Variants in NEO1 observed in about 807,000 individuals in gnomAD.
The protein encoded by NEO1 is neogenin 1, also known as neogenin.
In NEO1, 63 loss-of-function variants were observed where a neutral mutation model predicts 159.7. That is an observed-to-expected ratio of 0.39 (90% confidence interval 0.32 to 0.49). NEO1 has a LOEUF of 0.49. NEO1 is among the 20% of genes least tolerant of loss of function. The pLI is 0.85. For missense variants in NEO1, 1,615 were observed against 1,831.0 expected (o/e 0.88, Z 2.15); for synonymous variants, 633 against 662.0 (o/e 0.96, Z 0.67).
chr15:73,245,669 G>A (rs551460801), intron 9 of NEO1, among the ~76,000 whole-genome samples: 1 of 151,874 alleles, frequency 6.6e-6, no homozygotes, highest in East Asian at 1.9e-4. Context: ...CTGCCTCCTG[G>A]GTTCACGCCA....
chr15:73,284,945 T>C (rs976118147), intron 23 of NEO1, among the ~76,000 whole-genome samples: 7 of 152,288 alleles, frequency 4.6e-5, no homozygotes, highest in African/African-American at 1.7e-4. Context: ...ACTACATTTT[T>C]TTTTCTACTC....
intron 25 of NEO1, 143 bp from the exon 26 acceptor site, chr15:73,293,247 A>T (rs1465515797): frequency 2.3e-6 from 2 of 871,440 alleles, no homozygotes; most frequent in Admixed American, 4.1e-5. Context: ...AATTGACCAG[A>T]TCTAGCCAGC....
intron 5 of NEO1, among the ~76,000 whole-genome samples, chr15:73,161,170 C>T (rs533533177): frequency 6.6e-6 from 1 of 152,204 alleles, no homozygotes; most frequent in South Asian, 2.1e-4. Context: ...CATACTTAGT[C>T]CTCCCTCCAA....
chr15:73,285,363 G>A (rs2041903189), intron 23 of NEO1, among the ~76,000 whole-genome samples: 1 of 152,100 alleles, frequency 6.6e-6, no homozygotes, highest in Non-Finnish European at 1.5e-5. Context: ...CAAGTGATCT[G>A]CCCACCTCAG....
chr15:73,183,121 A>G (rs1419249064), intron 7 of NEO1, among the ~76,000 whole-genome samples: 1 of 152,118 alleles, frequency 6.6e-6, no homozygotes, highest in Non-Finnish European at 1.5e-5. Flanking sequence ...AGTACTCCCA[A>G]TTAAGAGGAG....
intron 1 of NEO1, among the ~76,000 whole-genome samples, chr15:73,112,457 C>G (rs2071055063): frequency 6.6e-6 from 1 of 151,990 alleles, no homozygotes; most frequent in Non-Finnish European, 1.5e-5. Context: ...TAAAGTAAAA[C>G]ATGCCTCTTC....
intron 5 of NEO1, among the ~76,000 whole-genome samples, chr15:73,161,096 G>C (rs2034140019): frequency 6.6e-6 from 1 of 152,108 alleles, no homozygotes; most frequent in Admixed American, 6.6e-5. Flanking sequence ...AAGTCCAAAG[G>C]CAGATTTCAC....
rs2067496553 is a variant in NEO1 at position 73,052,482 on chromosome 15, A to C, written c.-194A>C. ...TCTCCTCCCCTCCCCGCCCCCTTGC[A>C]GGAGGGAGGCGCCCTGGAGTCTCCC... On this transcript the variant is annotated 5_prime_UTR_variant, in exon 1 of 29. Coordinates refer to ENST00000261908, the MANE Select transcript of NEO1 (RefSeq NM_002499.4). 8.8e-6 allele frequency: 1 copy of C among 113,486 alleles called. No homozygotes were observed. The highest frequency in any genetic ancestry group is 3.1e-4 in the South Asian group (1 of 3,192). 7.0% of individuals were successfully genotyped at this position (113,486 alleles called of 1,614,324 possible).
intron 7 of NEO1, among the ~76,000 whole-genome samples, chr15:73,182,280 C>T (rs997452941): frequency 6.6e-6 from 1 of 152,050 alleles, no homozygotes; most frequent in Non-Finnish European, 1.5e-5. Context: ...GGGACACATC[C>T]AAACCATATC....
chr15:73,205,284 G>A (rs944355637), intron 7 of NEO1, among the ~76,000 whole-genome samples: 2 of 152,078 alleles, frequency 1.3e-5, no homozygotes, highest in African/African-American at 4.8e-5. Context: ...TGAAGCCCCT[G>A]TCCTCTCTTG....
intron 1 of NEO1, among the ~76,000 whole-genome samples, chr15:73,100,726 C>G (rs1303763428): frequency 6.6e-6 from 1 of 152,204 alleles, no homozygotes; most frequent in Non-Finnish European, 1.5e-5. Flanking sequence ...TCCTTTTCTA[C>G]TTTATAAAAT....
At chr15:73,151,541 A>G (rs1192018557) in intron 5 of NEO1, among the ~76,000 whole-genome samples, 1 of 152,208 alleles carries the variant, frequency 6.6e-6, no homozygotes, top group Non-Finnish European at 1.5e-5. Context: ...ACAGTTCTGC[A>G]GGGCTAGGGA....
chr15:73,184,534 G>T (rs546487988), intron 7 of NEO1, among the ~76,000 whole-genome samples: 49 of 152,300 alleles, frequency 3.2e-4, no homozygotes, highest in African/African-American at 1.2e-3. Context: ...TGTGTTTGTA[G>T]CATCTTTATT....
chr15:73,220,887 T>C (rs182385544), intron 7 of NEO1, among the ~76,000 whole-genome samples: 2 of 152,202 alleles, frequency 1.3e-5, no homozygotes, highest in Non-Finnish European at 2.9e-5. Flanking sequence ...TCCTGTAGCT[T>C]GGAGTAGTTT....
At chr15:73,258,166 A>G (rs1353773269) in intron 13 of NEO1, among the ~76,000 whole-genome samples, 1 of 152,222 alleles carries the variant, frequency 6.6e-6, no homozygotes, top group African/African-American at 2.4e-5. Flanking sequence ...CTGGTAGTAA[A>G]TTAAAAGTTG....
In NEO1 at chr15:73,180,015, G is replaced by T. The variant is rs183310073; in HGVS notation, c.1291+1588G>T. 3.7e-4 allele frequency among the ~76,000 whole-genome samples: 57 copies of T among 152,130 alleles called. 1 individual carries two copies. The highest frequency in any genetic ancestry group is 2.2e-3 in the Admixed American group (34 of 15,266). ...TAAATTACTAGAAGTTGAATTATTG[G>T]ATAACAGTTCTGTGTTAAATTGATA... On this transcript the variant is annotated intron_variant, in intron 7 of 28. Transcript: ENST00000261908.
chr15:73,253,381 T>A lies in NEO1; in HGVS notation c.1895-19T>A, dbSNP rs760633062. The A allele has an allele frequency of 4.6e-6, 7 of 1,522,952 alleles. No homozygotes were observed. The Admixed American group carries it at 1.5e-4, about 32-fold the overall frequency. The allele number at this position is 1,522,952 out of a possible 1,614,324, so 94.3% of individuals were successfully genotyped here. ...GGGTGATTAAAAAAAAAATTTTTTTTTTTTTTTTGTTTCTCTAGTTCCCAG... is the reference window on the plus strand; with the variant it reads ...GGGTGATTAAAAAAAAAATTTTTTTATTTTTTTTGTTTCTCTAGTTCCCAG... On this transcript the variant is annotated intron_variant, in intron 11 of 28. Transcript: ENST00000261908.
intron 5 of NEO1, among the ~76,000 whole-genome samples, chr15:73,150,735 A>G (rs2033300542): frequency 1.3e-5 from 2 of 152,222 alleles, no homozygotes; most frequent in Non-Finnish European, 2.9e-5. Flanking sequence ...CAAAACCCAT[A>G]TTAAAATATA....
chr15:73,298,992 A>G (rs1390182976), intron 27 of NEO1, among the ~76,000 whole-genome samples: 4 of 152,214 alleles, frequency 2.6e-5, no homozygotes, highest in African/African-American at 7.2e-5. Flanking sequence ...CAGGGAGGCC[A>G]AGGCTTGGAC....
Sources: allele counts gnomAD v4.1 joint callset (sites outside exome capture counted in the v4.1 genomes callset), GRCh38; gene constraint gnomAD v4.1.1; transcripts MANE v1.5; gene names NCBI Gene and HGNC (gene_info 2026-07-23, HGNC 2026-07-21).